PCDHGB3: variants seen among roughly 807,000 people sequenced by gnomAD.
The protein encoded by PCDHGB3 is protocadherin gamma-B3.
In PCDHGB3, 40 loss-of-function variants were observed where a neutral mutation model predicts 59.2. That is an observed-to-expected ratio of 0.68 (90% CI 0.52 to 0.88). PCDHGB3 has a LOEUF of 0.88. PCDHGB3 is among the 40% of genes least tolerant of loss of function. The pLI, the probability that PCDHGB3 is intolerant of heterozygous loss-of-function variation, is 0.00. For missense variants in PCDHGB3, 1,309 were observed against 1,187.9 expected, an observed-to-expected ratio of 1.10 and a Z score of -1.50; for synonymous variants, 581 against 503.6, an observed-to-expected ratio of 1.15 and a Z score of -2.06.
At chr5:141,382,462 TA>T (rs1346990551) in intron 1 of PCDHGB3, among the ~76,000 whole-genome samples, 1 of 152,240 alleles carries the variant, frequency 6.6e-6, no homozygotes, top group East Asian at 1.9e-4. Flanking sequence ...AGCAGTTTTT[TA>T]AAAATTATCT....
intron 1 of PCDHGB3, chr5:141,433,370 T>TCTAA (rs1466476027): frequency 1.8e-6 from 1 of 554,768 alleles, no homozygotes; most frequent in African/African-American, 1.9e-5. Context: ...TATCTATCTA[T>TCTAA]CTATCTATCT....
chr5:141,374,357 CGCGAGGAGCTCTGT>C (rs1770415063), intron 1 of PCDHGB3: 2 of 1,613,900 alleles, frequency 1.2e-6, no homozygotes, highest in Non-Finnish European at 1.7e-6. Context: ...TAGGATAGAC[CGCGAGGAGCTCTGT>C]GCTCAGAGCC....
intron 1 of PCDHGB3, chr5:141,415,469 C>T (rs1247738517): frequency 1.9e-6 from 3 of 1,614,208 alleles, no homozygotes; most frequent in South Asian, 2.2e-5. Flanking sequence ...TCTCTCACCG[C>T]GGACTCGCGA....
At position 141,491,919 on chromosome 5, in the gene PCDHGB3, C is replaced by A. The variant is rs1177043977; in HGVS notation, c.2416-2888C>A. 1.5e-6 allele frequency: 2 copies of A among 1,361,778 alleles called. No homozygotes were observed. Among genetic ancestry groups the A allele is most frequent in the South Asian group, 1.6e-5 (1 of 64,218 alleles). 84.4% of individuals were successfully genotyped at this position (1,361,778 alleles called of 1,614,324 possible). A position where few individuals can be genotyped will look rare whatever the true frequency, so the allele number is the denominator to read the frequency against. On this transcript the variant is annotated intron_variant, in intron 1 of 3. Coordinates refer to ENST00000576222, the MANE Select transcript of PCDHGB3 (RefSeq NM_018924.5). The surrounding 1 kb of genome is among the most constrained non-coding windows in gnomAD (Gnocchi z 6.9). ...CACCGGGGGTGGTGGCGACTGTGGGCGAGGGGAGGTGGGACCGACCCCCAC... is the reference window on the plus strand; with the variant it reads ...CACCGGGGGTGGTGGCGACTGTGGGAGAGGGGAGGTGGGACCGACCCCCAC...
chr5:141,377,007 T>A (rs985572001), intron 1 of PCDHGB3: 1 of 155,470 alleles, frequency 6.4e-6, no homozygotes, highest in African/African-American at 2.4e-5. Context: ...TTTTTATTGG[T>A]TGACAGGAAA....
chr5:141,485,986 G>T lies in PCDHGB3; in HGVS notation c.2416-8821G>T, dbSNP rs2099622467. The T allele has an allele frequency of 1.2e-6, 2 of 1,614,084 alleles. No homozygotes were observed. Among genetic ancestry groups the T allele is most frequent in the African/African-American group, 1.3e-5 (1 of 74,936 alleles). On this transcript the variant is annotated intron_variant, in intron 1 of 3. Transcript: ENST00000576222. This position sits in a 1 kb window ranked among gnomAD's most constrained non-coding sequence, Gnocchi z 5.7. ...AGCTCAATGCCTCAGACCCGGACCT[G>T]GGTCCCAGTGGTAACGTCACCTTTT...
intron 1 of PCDHGB3, among the ~76,000 whole-genome samples, chr5:141,386,507 C>G (rs972515111): frequency 2.0e-5 from 1 of 50,524 alleles, no homozygotes. Context: ...AAGACTCTGT[C>G]TCTTCAAAAA....
intron 1 of PCDHGB3, chr5:141,423,848 G>A: frequency 1.6e-6 from 2 of 1,277,462 alleles, no homozygotes; most frequent in Non-Finnish European, 2.0e-6. Flanking sequence ...TAATCTTTCA[G>A]AACGTTTTTG....
At chr5:141,400,259 T>A (rs2150848027) in intron 1 of PCDHGB3, 2 of 1,614,016 alleles carry the variant, frequency 1.2e-6, no homozygotes, top group Non-Finnish European at 1.7e-6. Flanking sequence ...GCCTTGCGCC[T>A]GCGACGCTCC....
intron 1 of PCDHGB3, among the ~76,000 whole-genome samples, chr5:141,460,003 A>AG (rs1177398494): frequency 6.6e-6 from 1 of 152,186 alleles, no homozygotes; most frequent in African/African-American, 2.4e-5. Context: ...GCTTGAACCC[A>AG]GGAGGCGGAG....
intron 1 of PCDHGB3, chr5:141,422,513 G>A (rs765955739): frequency 6.2e-7 from 1 of 1,614,000 alleles, no homozygotes. Context: ...ACAGACCAGG[G>A]AAGCCCGCCT....
chr5:141,406,079 T>C (rs570702423), intron 1 of PCDHGB3, among the ~76,000 whole-genome samples: 2 of 151,808 alleles, frequency 1.3e-5, no homozygotes, highest in South Asian at 2.1e-4. Context: ...CTCCTTTTTT[T>C]TTTTTTTTAA....
rs2099883943 is a variant in PCDHGB3, at chr5:141,511,766, G to A, written c.*593G>A. ...TGGAGGACATGATCACCATCCCCAT[G>A]GTACTGATGCTTGCTGGATTTAGGG... On this transcript the variant is annotated 3_prime_UTR_variant, in exon 4 of 4. Coordinates refer to ENST00000576222, the MANE Select transcript of PCDHGB3 (RefSeq NM_018924.5). 2 of 161,712 alleles carry A rather than the reference G, an allele frequency of 1.2e-5. No homozygotes were observed. Among genetic ancestry groups the A allele is most frequent in the Non-Finnish European group, 2.8e-5 (2 of 72,704 alleles). The allele number at this position is 161,712 out of a possible 1,614,324, so 10.0% of individuals were successfully genotyped here.
Position 141,406,431 on chromosome 5 carries a change from T to A in PCDHGB3, c.2415+33622T>A, listed in dbSNP as rs1316370664. 2.0e-5 allele frequency among the ~76,000 whole-genome samples: 3 copies of A among 152,352 alleles called. No individual in the cohort carries two copies. In the South Asian group the frequency reaches 6.2e-4, roughly 32 times the overall value. ...CAGCTGAAAGCCCAGATTTATTGCT[T>A]CTATTCTTCCATTTCTATGACAGGA... On this transcript the variant is annotated intron_variant, in intron 1 of 3. Coordinates refer to ENST00000576222, the MANE Select transcript of PCDHGB3 (RefSeq NM_018924.5).
intron 1 of PCDHGB3, chr5:141,409,680 C>T (rs756713114): frequency 1.9e-6 from 3 of 1,613,242 alleles, no homozygotes; most frequent in African/African-American, 1.3e-5. Context: ...TCTATAGTGG[C>T]GAGTGACCTA....
Position 141,372,766 on chromosome 5 carries a change from A to G in PCDHGB3, c.2372A>G (p.Asn791Ser). 1 of 1,611,952 alleles carries G rather than the reference A, an allele frequency of 6.2e-7. No homozygotes were observed. The highest frequency in any genetic ancestry group is 8.5e-7 in the Non-Finnish European group (1 of 1,178,714). ...GATGAAGCCTCTTGGTTTGAAAGTA[A>G]TGACAATCCAGAAATGCCTTCTAAT... ...LCDEASWFES[N>S]DNPEMPSNSG... The change falls in exon 1 of 4, where the codon AAT (asparagine) becomes AGT (serine). Residue 791 changes from asparagine to serine, a missense_variant. Physicochemically the swap from Asn to Ser is conservative, Grantham distance 46. Coordinates refer to ENST00000576222, the MANE Select transcript of PCDHGB3 (RefSeq NM_018924.5).
At chr5:141,390,433 AT>A (rs1395897313) in intron 1 of PCDHGB3, 1 of 978,654 alleles carries the variant, frequency 1.0e-6, no homozygotes, top group East Asian at 2.6e-5. Context: ...CTGTCATATC[AT>A]TCTACAAAGG....
chr5:141,430,395 A>C (rs1461176471), intron 1 of PCDHGB3, among the ~76,000 whole-genome samples: 1 of 152,096 alleles, frequency 6.6e-6, no homozygotes, highest in Non-Finnish European at 1.5e-5. Context: ...AAAAAAAAAA[A>C]AGCTCACTAA....
At chr5:141,404,403 A>G (rs767148207) in intron 1 of PCDHGB3, 2 of 1,613,896 alleles carry the variant, frequency 1.2e-6, no homozygotes, top group East Asian at 4.5e-5. Flanking sequence ...AGCAATGAGA[A>G]TTCTAGAGTT....
Sources: gnomAD v4.1 joint callset for allele counts (sites outside exome capture counted in the v4.1 genomes callset) on GRCh38, gnomAD v4.1.1 for gene constraint, Gnocchi (gnomAD v3.1) non-coding constraint, MANE v1.5 for transcripts, NCBI Gene and HGNC (gene_info 2026-07-23, HGNC 2026-07-21) for gene names.